Variants in CARMIL1 observed in about 807,000 individuals in gnomAD.
CARMIL1 encodes F-actin-uncapping protein LRRC16A.
In CARMIL1, 90 loss-of-function variants were observed where a neutral mutation model predicts 177.1. The ratio of observed to expected loss-of-function variants is 0.51; its 90% CI spans 0.43 to 0.61. The LOEUF is 0.61. CARMIL1 is among the 20% of genes least tolerant of loss of function. CARMIL1 has a pLI of 0.00. For missense variants in CARMIL1, 1,380 were observed against 1,667.0 expected, an observed-to-expected ratio of 0.83 and a Z score of 3.00; for synonymous variants, 577 against 606.2, an observed-to-expected ratio of 0.95 and a Z score of 0.71.
At chr6:25,402,616 T>C (rs140835355) in intron 2 of CARMIL1, among the ~76,000 whole-genome samples, 1,640 of 152,310 alleles carry the variant, frequency 0.011, 18 homozygotes, top group African/African-American at 0.029. Flanking sequence ...CTTCTAGAGC[T>C]GTATGGTCCA....
chr6:25,336,134 C>T (rs564360018), intron 2 of CARMIL1, among the ~76,000 whole-genome samples: 1 of 152,176 alleles, frequency 6.6e-6, no homozygotes, highest in Admixed American at 6.5e-5. Flanking sequence ...AATGTCTCCC[C>T]CAACCCCCAG....
intron 2 of CARMIL1, among the ~76,000 whole-genome samples, chr6:25,401,642 T>C (rs912940836): frequency 3.3e-5 from 5 of 152,190 alleles, no homozygotes; most frequent in Non-Finnish European, 5.9e-5. Flanking sequence ...AGCCTGAGTG[T>C]TTCAAAGCAA....
chr6:25,612,888 T>G, intron 36 of CARMIL1: 7 of 985,308 alleles, frequency 7.1e-6, no homozygotes, highest in Non-Finnish European at 8.4e-6. Flanking sequence ...CAACAAATGG[T>G]TAGAGCCTTC....
intron 33 of CARMIL1, among the ~76,000 whole-genome samples, chr6:25,603,739 A>G (rs1316014006): frequency 1.3e-5 from 2 of 152,158 alleles, no homozygotes; most frequent in African/African-American, 4.8e-5. Context: ...CTTTGTCAAT[A>G]TAATTCTTAG....
At chr6:25,337,809 G>A (rs1183224539) in intron 2 of CARMIL1, among the ~76,000 whole-genome samples, 1 of 152,182 alleles carries the variant, frequency 6.6e-6, no homozygotes, top group African/African-American at 2.4e-5. Context: ...ATATAGTGAG[G>A]AGTTTTTGTA....
chr6:25,343,604 C>G (rs1293341012), intron 2 of CARMIL1, among the ~76,000 whole-genome samples: 1 of 152,184 alleles, frequency 6.6e-6, no homozygotes, highest in East Asian at 1.9e-4. Flanking sequence ...ATCTCTCACT[C>G]CTGTGTCCTG....
chr6:25,472,694 T>C, intron 11 of CARMIL1, 173 bp downstream of exon 11: 1 of 569,384 alleles, frequency 1.8e-6, no homozygotes. Flanking sequence ...TATGTTACAA[T>C]TGTATGATCT....
At chr6:25,279,984 G>A (rs1436369190) in intron 1 of CARMIL1, 149 bp downstream of exon 1, 4 of 941,234 alleles carry the variant, frequency 4.2e-6, no homozygotes, top group Non-Finnish European at 3.4e-6. Context: ...TGGGGGTGCC[G>A]GGAAGTTTGT....
intron 2 of CARMIL1, among the ~76,000 whole-genome samples, chr6:25,378,262 T>G (rs1042162985): frequency 1.2e-3 from 182 of 152,320 alleles, no homozygotes; most frequent in African/African-American, 4.2e-3. Context: ...AGCAGCTAGC[T>G]GGGTTTCAGA....
intron 2 of CARMIL1, among the ~76,000 whole-genome samples, chr6:25,376,074 C>T (rs1283947079): frequency 6.6e-6 from 1 of 152,014 alleles, no homozygotes. Context: ...TGTCATATTG[C>T]CAGAATTATT....
At chr6:25,399,040 A>G (rs1288664537) in intron 2 of CARMIL1, among the ~76,000 whole-genome samples, 1 of 152,184 alleles carries the variant, frequency 6.6e-6, no homozygotes, top group Non-Finnish European at 1.5e-5. Flanking sequence ...AGCAGTTTTC[A>G]AAAACACCCC....
At chr6:25,568,274 T>C (rs1376279896) in intron 29 of CARMIL1, among the ~76,000 whole-genome samples, 1 of 152,218 alleles carries the variant, frequency 6.6e-6, no homozygotes, top group Non-Finnish European at 1.5e-5. Context: ...TGAGAAACTA[T>C]TTTAGGCAGC....
At chr6:25,472,825 T>C (rs1391298939) in intron 11 of CARMIL1, among the ~76,000 whole-genome samples, 1 of 152,172 alleles carries the variant, frequency 6.6e-6, no homozygotes, top group African/African-American at 2.4e-5. Flanking sequence ...ATGATACAAA[T>C]TTATTATCTC....
intron 2 of CARMIL1, among the ~76,000 whole-genome samples, chr6:25,347,859 T>C (rs1787690192): frequency 1.3e-5 from 2 of 152,236 alleles, no homozygotes. Context: ...GTTTTACTTA[T>C]TCATTTGTCT....
At position 25,602,462 on chromosome 6, in the gene CARMIL1, AGT is replaced by A. The variant is rs1258311126; in HGVS notation, c.3552+1719_3552+1720del. On this transcript the variant is annotated intron_variant, in intron 33 of 36. Transcript: ENST00000329474. ...TTGGTGTAAAGATGACATTTACTAG[AGT>A]GTTTTATTCATGTACTTTGGATTTG... Among the ~76,000 whole-genome samples the A allele has an allele frequency of 3.9e-5, 6 of 152,334 alleles. No individual in the cohort carries two copies. The East Asian group carries it at 1.2e-3, about 29-fold the overall frequency.
intron 2 of CARMIL1, among the ~76,000 whole-genome samples, chr6:25,361,600 T>C (rs887455418): frequency 5.3e-5 from 8 of 152,208 alleles, no homozygotes; most frequent in Admixed American, 3.9e-4. Flanking sequence ...TCAGGATTTA[T>C]AGTTATAAGT....
At position 25,515,849 on chromosome 6, in the gene CARMIL1, T is replaced by C; in HGVS notation, c.1805+2T>C. Reference sequence around the variant, plus strand: ...ACTGCAGATCAACACTAAGCTCAGGTAGGCAGATCCCACCCTCCCTGCTCA... The same window carrying C: ...ACTGCAGATCAACACTAAGCTCAGGCAGGCAGATCCCACCCTCCCTGCTCA... On this transcript the variant is annotated splice_donor_variant, in intron 21 of 36. Transcript: ENST00000329474. LOFTEE classifies it high-confidence loss of function. This position sits in a 1 kb window ranked among gnomAD's most constrained non-coding sequence, Gnocchi z 5.0. 6.3e-7 allele frequency: 1 copy of C among 1,596,428 alleles called. No individual in the cohort carries two copies. Among genetic ancestry groups the C allele is most frequent in the Non-Finnish European group, 8.5e-7 (1 of 1,171,648 alleles).
At chr6:25,589,733 A>G (rs1436165920) in intron 31 of CARMIL1, among the ~76,000 whole-genome samples, 1 of 152,090 alleles carries the variant, frequency 6.6e-6, no homozygotes, top group African/African-American at 2.4e-5. Flanking sequence ...CACGATCCAC[A>G]TGCCTCAGCC....
chr6:25,556,904 G>GTTTT, intron 29 of CARMIL1, 54 bp downstream of exon 29: 855 of 1,128,184 alleles, frequency 7.6e-4, no homozygotes, highest in Middle Eastern at 9.1e-4. Context: ...CTGTGCCATT[G>GTTTT]TTTTTTTTTT....
Sources: allele counts gnomAD v4.1 joint callset (sites outside exome capture counted in the v4.1 genomes callset), GRCh38; gene constraint gnomAD v4.1.1; non-coding constraint Gnocchi (gnomAD v3.1); transcripts MANE v1.5; gene names NCBI Gene and HGNC (gene_info 2026-07-23, HGNC 2026-07-21).